The following CNTN5 variants were observed in gnomAD, a reference collection of about 807,000 sequenced individuals.
CNTN5 encodes the protein contactin-5.
A neutral mutation model predicts 129.1 loss-of-function variants in CNTN5; 77 were observed. The ratio of observed to expected loss-of-function variants is 0.60; its 90% confidence interval spans 0.50 to 0.72. The LOEUF (loss-of-function observed/expected upper bound fraction) is 0.72. Ranked by LOEUF, CNTN5 falls within the 30% of genes least tolerant of loss-of-function variation. The pLI is 0.00. For missense variants in CNTN5, 1,478 were observed against 1,328.8 expected (o/e 1.11, Z -1.75); for synonymous variants, 509 against 465.6 (o/e 1.09, Z -1.20).
chr11:99,344,803 A>G (rs1937707882), intron 2 of CNTN5, among the ~76,000 whole-genome samples: 1 of 152,214 alleles, frequency 6.6e-6, no homozygotes, highest in Non-Finnish European at 1.5e-5. Flanking sequence ...ATTCAAAAAT[A>G]AGAAAAGTAT....
intron 13 of CNTN5, among the ~76,000 whole-genome samples, chr11:100,188,706 A>T (rs559812022): frequency 1.3e-5 from 2 of 152,212 alleles, no homozygotes; most frequent in Non-Finnish European, 2.9e-5. Flanking sequence ...TTAAACTGCT[A>T]TTCAACCCAA....
intron 3 of CNTN5, among the ~76,000 whole-genome samples, chr11:99,769,503 G>A (rs1304335228): frequency 6.6e-6 from 1 of 151,990 alleles, no homozygotes; most frequent in African/African-American, 2.4e-5. Flanking sequence ...TTCCTGTAAT[G>A]AGAATCATGA....
chr11:99,245,510 G>T (rs1010860563), intron 1 of CNTN5, among the ~76,000 whole-genome samples: 1 of 151,846 alleles, frequency 6.6e-6, no homozygotes, highest in Non-Finnish European at 1.5e-5. Flanking sequence ...TATTAGAGAC[G>T]GGGTTTCACC....
chr11:100,027,280 AT>A (rs1239302004), intron 9 of CNTN5, among the ~76,000 whole-genome samples: 3 of 152,136 alleles, frequency 2.0e-5, no homozygotes, highest in African/African-American at 7.2e-5. Flanking sequence ...GCATTTTTGT[AT>A]TCTTGATCTT....
chr11:99,841,803 G>GTAT (rs10669012), intron 4 of CNTN5, among the ~76,000 whole-genome samples: 1 of 89,726 alleles, frequency 1.1e-5, no homozygotes, highest in South Asian at 2.8e-4. Context: ...ATATATATGT[G>GTAT]GTGTGTGTGT....
chr11:99,230,510 G>A (rs1355313628), intron 1 of CNTN5, among the ~76,000 whole-genome samples: 1 of 152,064 alleles, frequency 6.6e-6, no homozygotes, highest in Non-Finnish European at 1.5e-5. Flanking sequence ...CTTTAATGAA[G>A]AGCTTTAGGA....
chr11:99,120,319 G>A (rs11218465), intron 1 of CNTN5: 11,852 of 152,106 alleles, frequency 0.078, 545 homozygotes, highest in African/African-American at 0.12. Context: ...CTGAACCTGC[G>A]TGTTTGGTTG....
intron 2 of CNTN5, among the ~76,000 whole-genome samples, chr11:99,496,815 C>G (rs1458937352): frequency 6.6e-6 from 1 of 152,164 alleles, no homozygotes; most frequent in Non-Finnish European, 1.5e-5. Context: ...TCATAAATAA[C>G]TATGGATTTT....
chr11:99,168,402 A>G (rs1860983941), intron 1 of CNTN5, among the ~76,000 whole-genome samples: 2 of 152,036 alleles, frequency 1.3e-5, no homozygotes, highest in South Asian at 4.1e-4. Context: ...ACATAGTGAA[A>G]CCCCGTCTGT....
chr11:99,211,109 T>C (rs960505587), intron 1 of CNTN5, among the ~76,000 whole-genome samples: 1 of 152,096 alleles, frequency 6.6e-6, no homozygotes, highest in Non-Finnish European at 1.5e-5. Context: ...GGGCAGGTTC[T>C]TTTTCTTAAC....
At chr11:99,407,828 C>G (rs958275011) in intron 2 of CNTN5, among the ~76,000 whole-genome samples, 1 of 152,098 alleles carries the variant, frequency 6.6e-6, no homozygotes, top group Non-Finnish European at 1.5e-5. Context: ...TCTAGTTTTG[C>G]TTTCTTCTAT....
At chr11:99,725,242 C>T (rs1479865699) in intron 3 of CNTN5, among the ~76,000 whole-genome samples, 6 of 152,042 alleles carry the variant, frequency 3.9e-5, no homozygotes, top group Admixed American at 3.9e-4. Flanking sequence ...ACTGTTTAAA[C>T]TTCAAGAATA....
At chr11:99,813,873 T>G (rs546375819) in intron 3 of CNTN5, among the ~76,000 whole-genome samples, 4 of 152,102 alleles carry the variant, frequency 2.6e-5, no homozygotes, top group Admixed American at 2.6e-4. Flanking sequence ...TTTTTATCTT[T>G]AAAGAGAGAC....
chr11:99,681,261 G>A (rs1001783574), intron 3 of CNTN5, among the ~76,000 whole-genome samples: 1 of 152,058 alleles, frequency 6.6e-6, no homozygotes, highest in Non-Finnish European at 1.5e-5. Context: ...GTGTTTGAAA[G>A]ATTGATTCCA....
intron 4 of CNTN5, among the ~76,000 whole-genome samples, chr11:99,834,523 G>C (rs570184960): frequency 6.6e-6 from 1 of 152,184 alleles, no homozygotes; most frequent in South Asian, 2.1e-4. Context: ...TTCAAGAAAA[G>C]AAAAGACCAA....
intron 1 of CNTN5, among the ~76,000 whole-genome samples, chr11:99,071,424 G>A (rs1003593336): frequency 4.6e-5 from 7 of 151,618 alleles, no homozygotes; most frequent in Admixed American, 2.0e-4. Context: ...CAGGACAAAG[G>A]GTTACCTTAA....
At chr11:99,272,884 TA>T (rs1863240497) in intron 1 of CNTN5, among the ~76,000 whole-genome samples, 1 of 151,872 alleles carries the variant, frequency 6.6e-6, no homozygotes, top group African/African-American at 2.4e-5. Context: ...ATATTGACTT[TA>T]AAAAACTTAT....
intron 2 of CNTN5, among the ~76,000 whole-genome samples, chr11:99,525,763 G>A (rs563537974): frequency 2.6e-5 from 4 of 152,282 alleles, no homozygotes; most frequent in South Asian, 2.1e-4. Flanking sequence ...AGTCTTGAGC[G>A]TGAATTTCTA....
At chr11:99,704,071 ATG>A (rs757501656) in intron 3 of CNTN5, among the ~76,000 whole-genome samples, 1 of 143,922 alleles carries the variant, frequency 6.9e-6, no homozygotes, top group Non-Finnish European at 1.6e-5. Context: ...GTGTGTGTGT[ATG>A]TGTGTGTGTG....
Sources: gnomAD v4.1 joint callset for allele counts (sites outside exome capture counted in the v4.1 genomes callset) on GRCh38, gnomAD v4.1.1 for gene constraint, MANE v1.5 for transcripts, NCBI Gene and HGNC (gene_info 2026-07-23, HGNC 2026-07-21) for gene names.